MAP2: variants seen among roughly 807,000 people sequenced by gnomAD.
The protein encoded by MAP2 is microtubule-associated protein 2.
In MAP2, 14 loss-of-function variants were observed where a neutral mutation model predicts 137.6. That is an observed-to-expected ratio of 0.10 (90% confidence interval 0.07 to 0.16). The LOEUF is 0.16. Among genes scored for constraint, MAP2 ranks in the 10% least tolerant of loss-of-function variants. MAP2 has a pLI of 1.00. For missense variants in MAP2, 2,088 were observed against 2,191.5 expected, an observed-to-expected ratio of 0.95 and a Z score of 0.94; for synonymous variants, 786 against 782.3, an observed-to-expected ratio of 1.00 and a Z score of -0.08.
At chr2:209,631,557 G>C (rs1365240735) in intron 4 of MAP2, among the ~76,000 whole-genome samples, 1 of 151,614 alleles carries the variant, frequency 6.6e-6, no homozygotes, top group Non-Finnish European at 1.5e-5. Context: ...TTGTCCCTCA[G>C]GCTTCTGTTG....
At chr2:209,511,625 A>G (rs967306063) in intron 2 of MAP2, among the ~76,000 whole-genome samples, 3 of 152,052 alleles carry the variant, frequency 2.0e-5, no homozygotes, top group Non-Finnish European at 4.4e-5. Flanking sequence ...AGGCTGGAGT[A>G]TAGTGACACA....
chr2:209,598,254 C>T (rs184779788), intron 3 of MAP2, among the ~76,000 whole-genome samples: 2 of 151,920 alleles, frequency 1.3e-5, no homozygotes, highest in African/African-American at 4.8e-5. Context: ...ATCTGCTCAC[C>T]TCGGCCTCCC....
intron 3 of MAP2, among the ~76,000 whole-genome samples, chr2:209,607,763 C>T (rs2085299990): frequency 6.6e-6 from 1 of 152,174 alleles, no homozygotes; most frequent in Admixed American, 6.5e-5. Flanking sequence ...GGCTGCCTAC[C>T]CCACTGGTGT....
At chr2:209,460,327 C>A (rs915466350) in intron 1 of MAP2, among the ~76,000 whole-genome samples, 10 of 152,280 alleles carry the variant, frequency 6.6e-5, no homozygotes, top group African/African-American at 2.4e-4. Flanking sequence ...TATGCCTATT[C>A]AGAGGAAAAC....
intron 7 of MAP2, among the ~76,000 whole-genome samples, chr2:209,682,951 A>G (rs2055337875): frequency 6.6e-6 from 1 of 152,124 alleles, no homozygotes; most frequent in African/African-American, 2.4e-5. Context: ...GCATCAGAGA[A>G]TCCTCTTAAC....
At chr2:209,721,404 C>T (rs2070866954) in intron 13 of MAP2, among the ~76,000 whole-genome samples, 1 of 152,128 alleles carries the variant, frequency 6.6e-6, no homozygotes, top group Non-Finnish European at 1.5e-5. Flanking sequence ...GATAGGATTG[C>T]TTCATATTAC....
rs2076020213 is a variant in MAP2, at chr2:209,733,377, G to A, written c.*2980G>A. 6.6e-6 allele frequency: 1 copy of A among 152,436 alleles called. No homozygotes were observed. The highest frequency in any genetic ancestry group is 2.1e-4 in the South Asian group (1 of 4,834). The allele number at this position is 152,436 out of a possible 1,614,324, so 9.4% of individuals were successfully genotyped here. On this transcript the variant is annotated 3_prime_UTR_variant, in exon 16 of 16. Coordinates refer to ENST00000682079, the MANE Select transcript of MAP2 (RefSeq NM_001375505.1). The stretch of plus-strand genomic sequence containing the variant: ...TCCCACCTACAAGTATGACACCTGT[G>A]TAACACCAGCTAGGTACGGCTGGAG...
Position 209,467,979 on chromosome 2 carries a change from G to A in MAP2, c.-221-39613G>A, listed in dbSNP as rs538792820. On this transcript the variant is annotated intron_variant, in intron 1 of 15. Transcript: ENST00000682079. ...ATAAAATAATTAAGAATTGGCTGCAGCAACTGGTTTATACTTACCTTATGA... is the reference window on the plus strand; with the variant it reads ...ATAAAATAATTAAGAATTGGCTGCAACAACTGGTTTATACTTACCTTATGA... Among the ~76,000 whole-genome samples the A allele has an allele frequency of 1.5e-3, 228 of 152,250 alleles. 2 individuals carry two copies. Among genetic ancestry groups the A allele is most frequent in the African/African-American group, 5.2e-3 (216 of 41,550 alleles).
At chr2:209,512,590 CACACACACACAA>C (rs1184608329) in intron 2 of MAP2, among the ~76,000 whole-genome samples, 32 of 128,992 alleles carry the variant, frequency 2.5e-4, no homozygotes, top group African/African-American at 8.2e-4. Context: ...CACACACACA[CACACACACACAA>C]ACACATATAT....
chr2:209,664,020 A>C (rs1414754231), intron 5 of MAP2, among the ~76,000 whole-genome samples: 1 of 152,212 alleles, frequency 6.6e-6, no homozygotes, highest in East Asian at 1.9e-4. Flanking sequence ...ATTCTCTCAA[A>C]TGAGTCTTCC....
intron 5 of MAP2, among the ~76,000 whole-genome samples, chr2:209,658,524 G>T (rs1437302692): frequency 6.7e-6 from 1 of 148,814 alleles, no homozygotes; most frequent in African/African-American, 2.5e-5. Flanking sequence ...TTTTTTTTTT[G>T]AGATGAAGTC....
intron 1 of MAP2, among the ~76,000 whole-genome samples, chr2:209,489,568 CTAGAATAACCAGTT>C (rs972771738): frequency 1.1e-4 from 17 of 152,148 alleles, no homozygotes; most frequent in Admixed American, 8.5e-4. Context: ...GAATTGCTAA[CTAGAATAACCAGTT>C]TAGAGAAGAA....
rs1234088718 is a variant in MAP2, at chr2:209,460,365, C to T, written c.-222+36089C>T. ...CATAGGTGGTTTTAAAAAGAACAAA[C>T]TGGTTCTTTGGGACGTGGATATTGG... On this transcript the variant is annotated intron_variant, in intron 1 of 15. Transcript: ENST00000682079. Among the ~76,000 whole-genome samples, 3 of 152,154 alleles carry T rather than the reference C, an allele frequency of 2.0e-5. No homozygotes were observed. The South Asian group carries it at 6.2e-4, about 31-fold the overall frequency.
chr2:209,566,649 C>T (rs1199753472), intron 2 of MAP2, among the ~76,000 whole-genome samples: 2 of 152,174 alleles, frequency 1.3e-5, no homozygotes, highest in Admixed American at 1.3e-4. Flanking sequence ...ACAAATAGTG[C>T]TGAATCAGTC....
At chr2:209,569,829 A>G (rs544214441) in intron 2 of MAP2, among the ~76,000 whole-genome samples, 7 of 151,980 alleles carry the variant, frequency 4.6e-5, no homozygotes, top group African/African-American at 1.7e-4. Context: ...TTGTGTTAAG[A>G]TACGTACTTT....
intron 3 of MAP2, among the ~76,000 whole-genome samples, chr2:209,582,734 A>C (rs1237182808): frequency 6.6e-6 from 1 of 152,210 alleles, no homozygotes; most frequent in East Asian, 1.9e-4. Context: ...GAATCTATCA[A>C]GAAACTTCTA....
chr2:209,690,443 A>C (rs1045907417), intron 7 of MAP2, among the ~76,000 whole-genome samples: 1 of 152,218 alleles, frequency 6.6e-6, no homozygotes, highest in Non-Finnish European at 1.5e-5. Context: ...TGTATGTTGC[A>C]TTAGAATATT....
intron 1 of MAP2, among the ~76,000 whole-genome samples, chr2:209,482,207 ACT>A (rs1004217821): frequency 9.2e-5 from 14 of 152,018 alleles, no homozygotes; most frequent in Admixed American, 1.3e-4. Context: ...CTAAATAGTA[ACT>A]CTCTGAGGGC....
intron 3 of MAP2, among the ~76,000 whole-genome samples, chr2:209,608,937 T>A (rs2085773318): frequency 6.6e-6 from 1 of 152,126 alleles, no homozygotes; most frequent in Admixed American, 6.6e-5. Flanking sequence ...AAAGCTCATC[T>A]TAAATACCAT....
Sources: allele counts gnomAD v4.1 joint callset (sites outside exome capture counted in the v4.1 genomes callset), GRCh38; gene constraint gnomAD v4.1.1; transcripts MANE v1.5; gene names NCBI Gene and HGNC (gene_info 2026-07-23, HGNC 2026-07-21).